Variants in LRRK1 observed in about 807,000 individuals in gnomAD.
LRRK1 encodes leucine-rich repeat serine/threonine-protein kinase 1.
A neutral mutation model predicts 209.1 loss-of-function variants in LRRK1; 113 were observed. The observed-to-expected ratio is 0.54, with a 90% CI of 0.46 to 0.63. The LOEUF (loss-of-function observed/expected upper bound fraction) is 0.63. LRRK1 is among the 30% of genes least tolerant of loss of function. The probability of loss-of-function intolerance (pLI) is 0.00; values close to 1 mark genes in which losing one functional copy is unlikely to be tolerated. For missense variants in LRRK1, 2,284 were observed against 2,632.2 expected (o/e 0.87, Z 2.89); for synonymous variants, 1,144 against 1,099.7 (o/e 1.04, Z -0.80).
rs370696788 is a variant in LRRK1 at position 100,964,503 on chromosome 15, G to A, written c.98-9301G>A. 2.4e-3 allele frequency among the ~76,000 whole-genome samples: 370 copies of A among 152,288 alleles called. 2 individuals are homozygous for A. The highest frequency in any genetic ancestry group is 8.5e-3 in the African/African-American group (352 of 41,558). On this transcript the variant is annotated intron_variant, in intron 2 of 33. Transcript: ENST00000388948. ...TTCCCTGGTGCTTTGGCCACATGGGGACTCAGTGGCACAGGAAGGTCGTTA... is the reference window on the plus strand; with the variant it reads ...TTCCCTGGTGCTTTGGCCACATGGGAACTCAGTGGCACAGGAAGGTCGTTA...
chr15:101,043,878 A>ATGGGAACAGCCAC (rs2034903600), intron 20 of LRRK1: 1 of 152,196 alleles, frequency 6.6e-6, no homozygotes, highest in Non-Finnish European at 1.5e-5. Context: ...GGCCTCCTGC[A>ATGGGAACAGCCAC]TGGGAACAGC....
chr15:101,028,125 C>T lies in LRRK1; in HGVS notation c.2686+328C>T, dbSNP rs536726703. ...GATTCTCATTAGCCACAGGACTTAA[C>T]GTTCTGTAAAGTCACCGCGATCACT... On this transcript the variant is annotated intron_variant, in intron 19 of 33. Transcript: ENST00000388948. 2.5e-3 allele frequency among the ~76,000 whole-genome samples: 374 copies of T among 150,992 alleles called. 1 individual carries two copies. Among genetic ancestry groups the T allele is most frequent in the African/African-American group, 8.4e-3 (347 of 41,100 alleles).
intron 20 of LRRK1, among the ~76,000 whole-genome samples, chr15:101,029,724 C>G (rs188395023): frequency 6.6e-6 from 1 of 152,078 alleles, no homozygotes; most frequent in Admixed American, 6.5e-5. Flanking sequence ...AAAAATTAGC[C>G]GGGCATGGTG....
Position 101,052,943 on chromosome 15 carries a change from G to A in LRRK1, c.3711G>A (p.Lys1237=). The change falls in exon 25 of 34, where the codon AAG becomes AAA. Residue 1237 remains lysine (K), a synonymous_variant. Coordinates refer to ENST00000388948, the MANE Select transcript of LRRK1 (RefSeq NM_024652.6). ...FPARLFLENS[K]LEHSEDEGSV... The stretch of plus-strand genomic sequence containing the variant: ...GCAGGCTCTTCCTGGAGAACAGCAA[G>A]CTGGAGCACAGCGAGGACGAGGGCA... 1 of 1,609,292 alleles carries A rather than the reference G, an allele frequency of 6.2e-7. No individual in the cohort carries two copies. The highest frequency in any genetic ancestry group is 8.5e-7 in the Non-Finnish European group (1 of 1,176,536).
intron 2 of LRRK1, among the ~76,000 whole-genome samples, chr15:100,952,689 C>T (rs1455833712): frequency 1.6e-5 from 1 of 62,786 alleles, no homozygotes; most frequent in East Asian, 6.0e-4. Flanking sequence ...CATACCTTTC[C>T]CTGGAAATGG....
intron 3 of LRRK1, among the ~76,000 whole-genome samples, chr15:100,981,079 AG>A (rs1228710091): frequency 6.6e-6 from 1 of 152,222 alleles, no homozygotes; most frequent in Non-Finnish European, 1.5e-5. Context: ...GGCGACTGGG[AG>A]GTAAAGGCAT....
rs1197076220 is a variant in LRRK1, at chr15:101,021,029, G to T, written c.1610-24G>T. Reference sequence around the variant, plus strand: ...CGGTCCAGAATTATTTTTAAATGCAGTCTGCTTTGCCATGTCTTTGCAGCA... The same window carrying T: ...CGGTCCAGAATTATTTTTAAATGCATTCTGCTTTGCCATGTCTTTGCAGCA... On this transcript the variant is annotated intron_variant, in intron 12 of 33. Coordinates refer to ENST00000388948, the MANE Select transcript of LRRK1 (RefSeq NM_024652.6). 4.3e-6 allele frequency: 7 copies of T among 1,612,980 alleles called. No individual in the cohort carries two copies. In the Admixed American group the frequency reaches 1.0e-4, roughly 23 times the overall value.
At chr15:101,017,440 G>T (rs2033589645) in intron 12 of LRRK1, among the ~76,000 whole-genome samples, 1 of 152,160 alleles carries the variant, frequency 6.6e-6, no homozygotes, top group Non-Finnish European at 1.5e-5. Context: ...TACATCGGGA[G>T]TCCCCAGCGC....
At chr15:100,941,326 GTC>G (rs146457625) in intron 2 of LRRK1, among the ~76,000 whole-genome samples, 3 of 150,102 alleles carry the variant, frequency 2.0e-5, no homozygotes, top group Non-Finnish European at 3.0e-5. Context: ...GTGTGTGTGT[GTC>G]TGTGTCTCTG....
At position 101,010,848 on chromosome 15, in the gene LRRK1, C is replaced by G; in HGVS notation, c.1281+11C>G. The G allele has an allele frequency of 6.2e-7, 1 of 1,603,334 alleles. No individual in the cohort carries two copies. Among genetic ancestry groups the G allele is most frequent in the South Asian group, 1.1e-5 (1 of 88,796 alleles). On this transcript the variant is annotated intron_variant, in intron 9 of 33. Transcript: ENST00000388948. ...TGGGCCTGCCCTTTGGTGAGTATCA[C>G]ACCAAAAGTCATGAAAGCCACAGTC...
At chr15:100,966,130 T>C (rs7183351) in intron 2 of LRRK1, among the ~76,000 whole-genome samples, 106,977 of 152,134 alleles carry the variant, frequency 0.7, 37,967 homozygotes, top group Middle Eastern at 0.76. Flanking sequence ...AGTATAAATG[T>C]GTTTCCTACA....
At chr15:100,984,707 C>T (rs1246513317) in intron 4 of LRRK1, among the ~76,000 whole-genome samples, 1 of 152,030 alleles carries the variant, frequency 6.6e-6, no homozygotes, top group Admixed American at 6.6e-5. Flanking sequence ...ATTGGTGTAC[C>T]ACACTATGTT....
intron 26 of LRRK1, among the ~76,000 whole-genome samples, chr15:101,054,412 A>G (rs531538433): frequency 6.6e-6 from 1 of 152,384 alleles, no homozygotes; most frequent in South Asian, 2.1e-4. Flanking sequence ...ATGAAGCTAC[A>G]GCGATGAGCA....
rs371920167 is a variant in LRRK1, at chr15:100,962,885, G to A, written c.98-10919G>A. 1.8e-4 allele frequency among the ~76,000 whole-genome samples: 22 copies of A among 121,500 alleles called. 1 individual carries two copies. Among genetic ancestry groups the A allele is most frequent in the Admixed American group, 8.0e-4 (9 of 11,190 alleles). The allele number at this position is 121,500 out of a possible 152,430, so 79.7% of individuals were successfully genotyped here. A position where few individuals can be genotyped will look rare whatever the true frequency, so the allele number is the denominator to read the frequency against. ...ATTGCCCAGGCTGGGGTGCAATGGC[G>A]CAATCTCGGCTCACCACAACCTCTA... On this transcript the variant is annotated intron_variant, in intron 2 of 33. Transcript: ENST00000388948.
At chr15:101,055,368 A>G in intron 27 of LRRK1, 145 bp downstream of exon 27, 3 of 800,338 alleles carry the variant, frequency 3.7e-6, no homozygotes, top group South Asian at 5.5e-5. Context: ...TCAATGAGGG[A>G]GGTTCTGGCT....
At chr15:101,015,100 C>T (rs578236856) in intron 11 of LRRK1, among the ~76,000 whole-genome samples, 1 of 152,308 alleles carries the variant, frequency 6.6e-6, no homozygotes, top group East Asian at 1.9e-4. Flanking sequence ...CAGAAGGCCA[C>T]TTCTGCAGTA....
At chr15:101,019,777 A>G (rs2033694465) in intron 12 of LRRK1, among the ~76,000 whole-genome samples, 1 of 152,200 alleles carries the variant, frequency 6.6e-6, no homozygotes, top group Admixed American at 6.5e-5. Context: ...CCGAGCTCCC[A>G]GGCATGCTGT....
At position 101,077,787 on chromosome 15, in the gene LRRK1, C is replaced by T. The variant is rs557447896; in HGVS notation, c.*8939C>T. On this transcript the variant is annotated 3_prime_UTR_variant, in exon 34 of 34. Transcript: ENST00000388948. Reference sequence around the variant, plus strand: ...CCCCCAAAAATTTTCGCTGCCCCAACACTTCGACACTATTTTGTTTTATTT... The same window carrying T: ...CCCCCAAAAATTTTCGCTGCCCCAATACTTCGACACTATTTTGTTTTATTT... The T allele has an allele frequency of 1.3e-5, 2 of 152,100 alleles. No individual in the cohort carries two copies. The highest frequency in any genetic ancestry group is 2.9e-5 in the Non-Finnish European group (2 of 68,026). 9.4% of individuals were successfully genotyped at this position (152,100 alleles called of 1,614,324 possible).
At chr15:101,043,451 T>G (rs1295817784) in intron 20 of LRRK1, among the ~76,000 whole-genome samples, 1 of 46,000 alleles carries the variant, frequency 2.2e-5, no homozygotes, top group Non-Finnish European at 5.4e-5. Flanking sequence ...ACGTTCAGAG[T>G]AAGGCAGCCT....
Sources: allele counts gnomAD v4.1 joint callset (sites outside exome capture counted in the v4.1 genomes callset), GRCh38; gene constraint gnomAD v4.1.1; transcripts MANE v1.5; gene names NCBI Gene and HGNC (gene_info 2026-07-23, HGNC 2026-07-21).